The following LRRTM4 variants were observed in gnomAD, a reference collection of about 807,000 sequenced individuals.
LRRTM4 encodes the protein leucine-rich repeat transmembrane neuronal protein 4.
In LRRTM4, 25 loss-of-function variants were observed where a neutral mutation model predicts 47.6. The observed-to-expected ratio is 0.53, with a 90% CI of 0.38 to 0.73. The LOEUF is 0.73. Ranked by LOEUF, LRRTM4 falls within the 30% of genes least tolerant of loss-of-function variation. The pLI, the probability that LRRTM4 is intolerant of heterozygous loss-of-function variation, is 0.00. For synonymous variants in LRRTM4, 311 were observed against 269.5 expected, an observed-to-expected ratio of 1.15 and a Z score of -1.51; for missense variants, 638 against 713.4, an observed-to-expected ratio of 0.89 and a Z score of 1.20.
At chr2:77,407,711 T>G (rs1573373100) in intron 3 of LRRTM4, among the ~76,000 whole-genome samples, 3 of 123,578 alleles carry the variant, frequency 2.4e-5, no homozygotes, top group Admixed American at 2.4e-4. Flanking sequence ...ATATAATATA[T>G]CATATATTAT....
intron 3 of LRRTM4, among the ~76,000 whole-genome samples, chr2:76,918,030 G>A (rs982181074): frequency 3.0e-4 from 45 of 152,264 alleles, no homozygotes; most frequent in African/African-American, 1.1e-3. Flanking sequence ...TACTGGGGCA[G>A]GGAAAAGGGC....
intron 3 of LRRTM4, among the ~76,000 whole-genome samples, chr2:77,362,163 A>AAGAAAGAT (rs1672260332): frequency 6.6e-6 from 1 of 151,142 alleles, no homozygotes; most frequent in Non-Finnish European, 1.5e-5. Flanking sequence ...GAAAGAAAGA[A>AAGAAAGAT]AGAAAGAAAG....
chr2:77,270,107 C>T (rs1676152579), intron 3 of LRRTM4, among the ~76,000 whole-genome samples: 1 of 152,184 alleles, frequency 6.6e-6, no homozygotes, highest in African/African-American at 2.4e-5. Flanking sequence ...GATAAGGCAG[C>T]ACTTATACAT....
At chr2:77,200,790 T>A (rs974205826) in intron 3 of LRRTM4, among the ~76,000 whole-genome samples, 1 of 152,122 alleles carries the variant, frequency 6.6e-6, no homozygotes, top group South Asian at 2.1e-4. Flanking sequence ...TGACATAATT[T>A]AATATGATGA....
chr2:77,104,211 G>C (rs1671033629), intron 3 of LRRTM4, among the ~76,000 whole-genome samples: 1 of 152,038 alleles, frequency 6.6e-6, no homozygotes, highest in African/African-American at 2.4e-5. Context: ...TTATCTTTGA[G>C]TCTGTGTCAT....
At chr2:76,988,548 ATTT>A (rs1676887301) in intron 3 of LRRTM4, among the ~76,000 whole-genome samples, 1 of 151,854 alleles carries the variant, frequency 6.6e-6, no homozygotes, top group Non-Finnish European at 1.5e-5. Flanking sequence ...GAAATCGTGT[ATTT>A]CAAAAGTCAC....
At chr2:76,936,884 G>A (rs1456075364) in intron 3 of LRRTM4, among the ~76,000 whole-genome samples, 2 of 140,838 alleles carry the variant, frequency 1.4e-5, no homozygotes, top group Admixed American at 7.6e-5. Flanking sequence ...GAACCCAGGA[G>A]GCGGAAGTTG....
intron 3 of LRRTM4, among the ~76,000 whole-genome samples, chr2:77,026,375 C>T (rs1678454375): frequency 6.6e-6 from 1 of 152,068 alleles, no homozygotes; most frequent in Admixed American, 6.6e-5. Context: ...GAAGGTAGAG[C>T]TCAGAATCAA....
intron 3 of LRRTM4, among the ~76,000 whole-genome samples, chr2:76,803,577 C>T (rs62172133): frequency 0.024 from 3,664 of 152,212 alleles, 63 homozygotes; most frequent in Non-Finnish European, 0.037. Context: ...ACAGATGATT[C>T]GGCAATACCG....
chr2:76,755,733 C>T (rs1291788559), intron 3 of LRRTM4, among the ~76,000 whole-genome samples: 1 of 152,192 alleles, frequency 6.6e-6, no homozygotes, highest in Non-Finnish European at 1.5e-5. Flanking sequence ...GAAAAGGAGC[C>T]TCAGCCTTAC....
At chr2:77,364,674 C>T (rs528367053) in intron 3 of LRRTM4, among the ~76,000 whole-genome samples, 4 of 152,124 alleles carry the variant, frequency 2.6e-5, no homozygotes, top group African/African-American at 7.2e-5. Flanking sequence ...TGTAATGCAG[C>T]TTCTACCCCC....
At chr2:77,192,538 TA>T (rs1673699016) in intron 3 of LRRTM4, among the ~76,000 whole-genome samples, 1 of 152,124 alleles carries the variant, frequency 6.6e-6, no homozygotes, top group Non-Finnish European at 1.5e-5. Flanking sequence ...ATAATTTTTC[TA>T]AAAAATGTAA....
intron 3 of LRRTM4, among the ~76,000 whole-genome samples, chr2:76,788,218 G>T (rs914435753): frequency 1.3e-5 from 2 of 152,058 alleles, no homozygotes; most frequent in African/African-American, 4.8e-5. Flanking sequence ...TAAGTACAAG[G>T]TCTAATAGAA....
intron 3 of LRRTM4, among the ~76,000 whole-genome samples, chr2:77,389,755 A>C (rs552556153): frequency 6.6e-6 from 1 of 152,152 alleles, no homozygotes; most frequent in African/African-American, 2.4e-5. Flanking sequence ...CAAGCAGGAA[A>C]AGTTAATATA....
chr2:76,997,592 T>C (rs186676297), intron 3 of LRRTM4, among the ~76,000 whole-genome samples: 3 of 152,258 alleles, frequency 2.0e-5, no homozygotes, highest in East Asian at 3.9e-4. Context: ...TACTAATTTA[T>C]ACCATCACTG....
chr2:76,817,713 T>G (rs1488598422), intron 3 of LRRTM4, among the ~76,000 whole-genome samples: 1 of 151,944 alleles, frequency 6.6e-6, no homozygotes, highest in African/African-American at 2.4e-5. Flanking sequence ...AAAACTTCCT[T>G]TAGTATCATT....
chr2:77,254,550 A>G lies in LRRTM4; in HGVS notation c.1551+263768T>C, dbSNP rs375158609. ...GATAAAATGGATCTTTCACTTTTCT[A>G]TTGAGTTTTCTATATTATTTTTGAT... is the stretch of plus-strand genomic sequence containing the variant. On this transcript the variant is annotated intron_variant, in intron 3 of 3. Coordinates refer to ENST00000409884, the MANE Select transcript of LRRTM4 (RefSeq NM_001134745.3). 1.9e-3 allele frequency among the ~76,000 whole-genome samples: 288 copies of G among 152,034 alleles called. 2 individuals carry two copies. The highest frequency in any genetic ancestry group is 6.5e-3 in the African/African-American group (272 of 41,556).
intron 3 of LRRTM4, among the ~76,000 whole-genome samples, chr2:77,017,028 T>C (rs977753784): frequency 6.6e-6 from 1 of 152,116 alleles, no homozygotes; most frequent in African/African-American, 2.4e-5. Flanking sequence ...TCAGCTAAAA[T>C]ATATTGGGTG....
chr2:76,755,850 C>T (rs1028573017), intron 3 of LRRTM4, among the ~76,000 whole-genome samples: 1 of 152,138 alleles, frequency 6.6e-6, no homozygotes, highest in Admixed American at 6.5e-5. Flanking sequence ...TCCAAACTGA[C>T]TGAACAGACC....
Sources: gnomAD v4.1 joint callset for allele counts (sites outside exome capture counted in the v4.1 genomes callset) on GRCh38, gnomAD v4.1.1 for gene constraint, MANE v1.5 for transcripts, NCBI Gene and HGNC (gene_info 2026-07-23, HGNC 2026-07-21) for gene names.